The following TSC22D4 variants were observed in gnomAD, a reference collection of about 807,000 sequenced individuals.
The protein encoded by TSC22D4 is TSC22 domain family member 4.
In TSC22D4, 5 loss-of-function variants were observed where a neutral mutation model predicts 24.9. The observed-to-expected ratio is 0.20, with a 90% CI of 0.10 to 0.42. The LOEUF (loss-of-function observed/expected upper bound fraction) is 0.42, where lower values mean the gene tolerates loss of function less well. Among genes scored for constraint, TSC22D4 ranks in the 10% least tolerant of loss-of-function variants. The probability of loss-of-function intolerance (pLI) is 1.00; values close to 1 mark genes in which losing one functional copy is unlikely to be tolerated. For missense variants in TSC22D4, 469 were observed against 547.9 expected (o/e 0.86, Z 1.44); for synonymous variants, 245 against 243.2 (o/e 1.01, Z -0.07).
At chr7:100,468,032 A>C in intron 3 of TSC22D4, 1 of 450,854 alleles carries the variant, frequency 2.2e-6, no homozygotes. Flanking sequence ...CCCCGGGCAG[A>C]GCAGGGTCTG....
intron 3 of TSC22D4, 108 bp from the exon 4 acceptor site, chr7:100,467,708 G>A (rs779485810): frequency 1.1e-5 from 12 of 1,119,590 alleles, no homozygotes; most frequent in Admixed American, 1.9e-5. Context: ...TGACAGTAGA[G>A]AATGAGGGAG....
At chr7:100,471,329 G>A (rs559664636) in intron 3 of TSC22D4, among the ~76,000 whole-genome samples, 1 of 152,288 alleles carries the variant, frequency 6.6e-6, no homozygotes, top group African/African-American at 2.4e-5. Flanking sequence ...CCACCTCTTT[G>A]CCTGGGACAC....
At position 100,477,437 on chromosome 7, in the gene TSC22D4, C is replaced by G. The variant is rs369527197; in HGVS notation, c.602G>C (p.Gly201Ala). 33 of 1,579,782 alleles carry G rather than the reference C, an allele frequency of 2.1e-5. No individual in the cohort carries two copies. Among genetic ancestry groups the G allele is most frequent in the Non-Finnish European group, 2.8e-5 (33 of 1,163,414 alleles). The change falls in exon 2 of 5, where the codon GGT becomes GCT. Residue 201 changes from glycine to alanine, a missense_variant. Gly to Ala is a moderately conservative substitution (Grantham distance 60). Coordinates refer to ENST00000300181, the MANE Select transcript of TSC22D4 (RefSeq NM_030935.5). The surrounding 1 kb of genome is among the most constrained non-coding windows in gnomAD (Gnocchi z 7.8). ...AGCCCGGGATGTGCCCGCACTCTCACCGGTCTCAGGCTCTGGGGGGCGCTG... is the reference window on the plus strand; with the variant it reads ...AGCCCGGGATGTGCCCGCACTCTCAGCGGTCTCAGGCTCTGGGGGGCGCTG... ...PQQRPPEPETGESAGTSRAAT... is the reference protein window; with the variant it reads ...PQQRPPEPETAESAGTSRAAT...
In TSC22D4 at chr7:100,474,782, A is replaced by C. The variant is rs1799462498; in HGVS notation, c.763-342T>G. On this transcript the variant is annotated intron_variant, in intron 2 of 4. Transcript: ENST00000300181. The surrounding 1 kb of genome is among the most constrained non-coding windows in gnomAD (Gnocchi z 4.3). Reference sequence around the variant, plus strand: ...CGGGACCCCTAATCAGAGGCTACGCAGCGTGTCTGCCTTCTTTTATGTTTT... The same window carrying C: ...CGGGACCCCTAATCAGAGGCTACGCCGCGTGTCTGCCTTCTTTTATGTTTT... Among the ~76,000 whole-genome samples, 3 of 152,166 alleles carry C rather than the reference A, an allele frequency of 2.0e-5. No homozygotes were observed. Among genetic ancestry groups the C allele is most frequent in the African/African-American group, 7.2e-5 (3 of 41,450 alleles).
rs766982728 is a variant in TSC22D4, at chr7:100,467,175, G to A, written c.979-7C>T. On this transcript the variant is annotated splice_polypyrimidine_tract_variant and splice_region_variant and intron_variant, in intron 4 of 4. Transcript: ENST00000300181. The stretch of plus-strand genomic sequence containing the variant: ...GGTGGGACTTCACCAAGTCCTGGGG[G>A]CCCCGGGACAGGCACAGCGTCAACG... 19 of 1,613,998 alleles carry A rather than the reference G, an allele frequency of 1.2e-5. 1 individual carries two copies. In the South Asian group the frequency reaches 1.9e-4, roughly 16 times the overall value.
Position 100,474,661 on chromosome 7 carries a change from G to A in TSC22D4, c.763-221C>T, listed in dbSNP as rs1799460354. ...GTCAACCTAAGGAATGGGAGGAGTG[G>A]TGTATAGGACATTAGAGAGAGTCTC... On this transcript the variant is annotated intron_variant, in intron 2 of 4. Coordinates refer to ENST00000300181, the MANE Select transcript of TSC22D4 (RefSeq NM_030935.5). This position sits in a 1 kb window ranked among gnomAD's most constrained non-coding sequence, Gnocchi z 4.3. Among the ~76,000 whole-genome samples the A allele has an allele frequency of 6.6e-6, 1 of 152,130 alleles. No individual in the cohort carries two copies. The highest frequency in any genetic ancestry group is 6.5e-5 in the Admixed American group (1 of 15,276).
At chr7:100,470,856 C>G (rs1799378491) in intron 3 of TSC22D4, among the ~76,000 whole-genome samples, 1 of 152,168 alleles carries the variant, frequency 6.6e-6, no homozygotes, top group Non-Finnish European at 1.5e-5. Context: ...ACTGTCGTGA[C>G]TTCAAGCATT....
Position 100,477,960 on chromosome 7 carries a change from C to T in TSC22D4, c.79G>A (p.Ala27Thr), listed in dbSNP as rs1447833300. Residue 27 changes from alanine to threonine, a missense_variant, in exon 2 of 5, where the codon GCT becomes ACT. Transcript: ENST00000300181. The surrounding 1 kb of genome is among the most constrained non-coding windows in gnomAD (Gnocchi z 7.8). ...GGCTGTGGGGTAGGGGGATCCGAAG[C>T]CCCTGGGCTCCCAGGGCCCTCATAG... ...TDYEGPGSPG[A>T]SDPPTPQPPT... 1.9e-6 allele frequency: 3 copies of T among 1,565,136 alleles called. No homozygotes were observed. The highest frequency in any genetic ancestry group is 1.2e-5 in the South Asian group (1 of 85,476).
intron 3 of TSC22D4, among the ~76,000 whole-genome samples, chr7:100,470,757 G>A (rs1221990323): frequency 6.6e-6 from 1 of 152,174 alleles, no homozygotes; most frequent in Non-Finnish European, 1.5e-5. Context: ...GCTGAGACAG[G>A]ATCGACCTCC....
At position 100,477,685 on chromosome 7, in the gene TSC22D4, G is replaced by A. The variant is rs763816695; in HGVS notation, c.354C>T (p.Gly118=). Residue 118 remains glycine (G), a synonymous_variant, in exon 2 of 5, where the codon GGC becomes GGT. Transcript: ENST00000300181. The surrounding 1 kb of genome is among the most constrained non-coding windows in gnomAD (Gnocchi z 7.8). ...LLEGIRGASG[G]AGGRSLDSRL... ...TGGAATCCAAAGATCTGCCCCCGGC[G>A]CCCCCTGAGGCCCCTCGAATTCCCT... 32 of 1,591,870 alleles carry A rather than the reference G, an allele frequency of 2.0e-5. No homozygotes were observed. The highest frequency in any genetic ancestry group is 2.1e-5 in the Non-Finnish European group (25 of 1,175,294).
In TSC22D4 at chr7:100,466,630, C is replaced by A; in HGVS notation, c.*329G>T. 1 of 359,180 alleles carries A rather than the reference C, an allele frequency of 2.8e-6. No individual in the cohort carries two copies. Among genetic ancestry groups the A allele is most frequent in the South Asian group, 5.6e-5 (1 of 17,776 alleles). 22.2% of individuals were successfully genotyped at this position (359,180 alleles called of 1,614,324 possible). On this transcript the variant is annotated 3_prime_UTR_variant, in exon 5 of 5. Coordinates refer to ENST00000300181, the MANE Select transcript of TSC22D4 (RefSeq NM_030935.5). ...TCCCCTGGGCAGAGGAGAGGAGGCA[C>A]CTCAAGGGAACAAGATGGGGGTGGG... is the stretch of plus-strand genomic sequence containing the variant.
rs1452275709 is a variant in TSC22D4 at position 100,474,444 on chromosome 7, G to C, written c.763-4C>G. On this transcript the variant is annotated splice_region_variant and splice_polypyrimidine_tract_variant and intron_variant, in intron 2 of 4. Transcript: ENST00000300181. The surrounding 1 kb of genome is among the most constrained non-coding windows in gnomAD (Gnocchi z 4.3). ...GGCGAGAGTCAAGTGGGGGCACCTG[G>C]AGGCGGAGAGGTAGGAACCATCACA... 1.2e-6 allele frequency: 2 copies of C among 1,613,822 alleles called. No individual in the cohort carries two copies. The highest frequency in any genetic ancestry group is 1.7e-6 in the Non-Finnish European group (2 of 1,179,966).
chr7:100,467,520 G>A (rs1377417475), intron 4 of TSC22D4, 32 bp downstream of exon 4: 47 of 1,612,312 alleles, frequency 2.9e-5, no homozygotes, highest in Non-Finnish European at 4.0e-5. Context: ...AAGGGGGCCA[G>A]GACCTCCTGG....
chr7:100,475,540 T>G (rs977082313), intron 2 of TSC22D4, among the ~76,000 whole-genome samples: 2 of 152,210 alleles, frequency 1.3e-5, no homozygotes, highest in African/African-American at 4.8e-5. Context: ...GTCAGTTTGC[T>G]CAGTAGCTAT....
intron 3 of TSC22D4, among the ~76,000 whole-genome samples, chr7:100,473,324 T>G (rs1799427893): frequency 6.6e-6 from 1 of 152,208 alleles, no homozygotes; most frequent in African/African-American, 2.4e-5. Context: ...AAGTAGACCC[T>G]GTGGGCTATC....
chr7:100,467,221 G>T, intron 4 of TSC22D4, 53 bp from the exon 5 acceptor site: 1 of 1,567,424 alleles, frequency 6.4e-7, no homozygotes, highest in Non-Finnish European at 8.8e-7. Flanking sequence ...CTCATCCCCT[G>T]CCCAGTGCCT....
intron 3 of TSC22D4, among the ~76,000 whole-genome samples, chr7:100,473,095 T>C (rs1296656295): frequency 3.3e-5 from 5 of 152,188 alleles, no homozygotes; most frequent in Non-Finnish European, 7.3e-5. Flanking sequence ...TGACTCACGA[T>C]TCTGGGCCTC....
At chr7:100,467,769 T>G in intron 3 of TSC22D4, 169 bp from the exon 4 acceptor site, 1 of 745,370 alleles carries the variant, frequency 1.3e-6, no homozygotes, top group Non-Finnish European at 2.4e-6. Flanking sequence ...GCCCAGGGCC[T>G]CCCAGGCCCC....
chr7:100,467,821 C>T (rs965500133), intron 3 of TSC22D4: 1 of 698,054 alleles, frequency 1.4e-6, no homozygotes, highest in Non-Finnish European at 2.7e-6. Flanking sequence ...GGGGGATGCA[C>T]CCCGGGGAGA....
Sources: gnomAD v4.1 joint callset for allele counts (sites outside exome capture counted in the v4.1 genomes callset) on GRCh38, gnomAD v4.1.1 for gene constraint, Gnocchi (gnomAD v3.1) non-coding constraint, MANE v1.5 for transcripts, NCBI Gene and HGNC (gene_info 2026-07-23, HGNC 2026-07-21) for gene names.